The following GFRA1 variants were observed in gnomAD, a reference collection of about 807,000 sequenced individuals.
GFRA1 encodes GDNF family receptor alpha 1.
A neutral mutation model predicts 51.6 loss-of-function variants in GFRA1; 16 were observed. The ratio of observed to expected loss-of-function variants is 0.31; its 90% CI spans 0.21 to 0.47. The LOEUF is 0.47. GFRA1 is among the 20% of genes least tolerant of loss of function. GFRA1 has a pLI of 1.00. For missense variants in GFRA1, 530 were observed against 594.3 expected, an observed-to-expected ratio of 0.89 and a Z score of 1.13; for synonymous variants, 270 against 241.3, an observed-to-expected ratio of 1.12 and a Z score of -1.10.
At chr10:116,215,856 C>T (rs1336686246) in intron 4 of GFRA1, among the ~76,000 whole-genome samples, 2 of 152,170 alleles carry the variant, frequency 1.3e-5, no homozygotes, top group African/African-American at 2.4e-5. Flanking sequence ...CAAAGGAAAG[C>T]CTGTTCTCCT....
rs1343430380 is a variant in GFRA1, at chr10:116,060,872, A to G, written c.*3526T>C. 6.6e-6 allele frequency: 1 copy of G among 152,236 alleles called. No homozygotes were observed. Among genetic ancestry groups the G allele is most frequent in the Admixed American group, 6.5e-5 (1 of 15,290 alleles). 9.4% of individuals were successfully genotyped at this position (152,236 alleles called of 1,614,324 possible). A position where few individuals can be genotyped will look rare whatever the true frequency, so the allele number is the denominator to read the frequency against. On this transcript the variant is annotated 3_prime_UTR_variant, in exon 11 of 11. Coordinates refer to ENST00000355422, the MANE Select transcript of GFRA1 (RefSeq NM_005264.8). ...CAAAAGACAGCTCCTCTGAGGCCACAATTTTGTAAATAATAACAACAGAAA... is the reference window on the plus strand; with the variant it reads ...CAAAAGACAGCTCCTCTGAGGCCACGATTTTGTAAATAATAACAACAGAAA...
intron 5 of GFRA1, among the ~76,000 whole-genome samples, chr10:116,199,005 G>C (rs562324213): frequency 2.0e-5 from 3 of 152,280 alleles, no homozygotes; most frequent in Admixed American, 1.3e-4. Flanking sequence ...GCAGAGATGG[G>C]AGTGATGCAG....
At position 116,064,079 on chromosome 10, in the gene GFRA1, G is replaced by C. The variant is rs553789655; in HGVS notation, c.*319C>G. The C allele has an allele frequency of 5.7e-5, 7 of 121,994 alleles. No individual in the cohort carries two copies. The highest frequency in any genetic ancestry group is 1.1e-4 in the African/African-American group (1 of 9,214). 7.6% of individuals were successfully genotyped at this position (121,994 alleles called of 1,614,324 possible). A position where few individuals can be genotyped will look rare whatever the true frequency, so the allele number is the denominator to read the frequency against. Reference sequence around the variant, plus strand: ...TGATGATCATCATCATGATCATGATGATCATCATCATGATCATCATCATCA... The same window carrying C: ...TGATGATCATCATCATGATCATGATCATCATCATCATGATCATCATCATCA... On this transcript the variant is annotated 3_prime_UTR_variant, in exon 11 of 11. Transcript: ENST00000355422.
Position 116,272,405 on chromosome 10 carries a change from A to C in GFRA1, c.-246-130T>G, listed in dbSNP as rs1844028591. 2 of 362,518 alleles carry C rather than the reference A, an allele frequency of 5.5e-6. No individual in the cohort carries two copies. The highest frequency in any genetic ancestry group is 4.0e-5 in the Admixed American group (1 of 25,088). The allele number at this position is 362,518 out of a possible 1,614,324, so 22.5% of individuals were successfully genotyped here. On this transcript the variant is annotated intron_variant, in intron 1 of 10. Transcript: ENST00000355422. The surrounding 1 kb of genome is among the most constrained non-coding windows in gnomAD (Gnocchi z 4.4). ...CCGGGGTGAGGACCCACCCCCACCC[A>C]GGTCGGGGTGCATGTGCGTGTTTTC...
intron 5 of GFRA1, among the ~76,000 whole-genome samples, chr10:116,126,537 G>A (rs1957885355): frequency 6.6e-6 from 1 of 152,252 alleles, no homozygotes; most frequent in South Asian, 2.1e-4. Context: ...ATAGAGGAAT[G>A]TTTCTGCAGG....
chr10:116,227,776 A>G lies in GFRA1; in HGVS notation c.419-16131T>C, dbSNP rs145168094. Among the ~76,000 whole-genome samples, 206 of 152,302 alleles carry G rather than the reference A, an allele frequency of 1.4e-3. No homozygotes were observed. The Middle Eastern group carries it at 0.024, about 18-fold the overall frequency. ...ACAGAGCTTAATTCCATCTCCTGTC[A>G]TGTCAGATCCATTTTCTCCACATGC... On this transcript the variant is annotated intron_variant, in intron 4 of 10. Coordinates refer to ENST00000355422, the MANE Select transcript of GFRA1 (RefSeq NM_005264.8).
rs541892024 is a variant in GFRA1 at position 116,161,811 on chromosome 10, C to G, written c.434-36254G>C. Reference sequence around the variant, plus strand: ...TCCTTTATAAATTACTCAGTCTTGGCTATGTTTTATTAGCGTGTGAAAACA... The same window carrying G: ...TCCTTTATAAATTACTCAGTCTTGGGTATGTTTTATTAGCGTGTGAAAACA... On this transcript the variant is annotated intron_variant, in intron 5 of 10. Coordinates refer to ENST00000355422, the MANE Select transcript of GFRA1 (RefSeq NM_005264.8). Among the ~76,000 whole-genome samples, 35 of 152,294 alleles carry G rather than the reference C, an allele frequency of 2.3e-4. No individual in the cohort carries two copies. In the South Asian group the frequency reaches 7.0e-3, roughly 31 times the overall value.
intron 4 of GFRA1, chr10:116,255,544 C>T: frequency 8.4e-7 from 1 of 1,189,670 alleles, no homozygotes; most frequent in Non-Finnish European, 1.1e-6. Flanking sequence ...ATGTTCACAT[C>T]CACTCAACAC....
chr10:116,230,683 C>T (rs950088994), intron 4 of GFRA1, among the ~76,000 whole-genome samples: 3 of 151,224 alleles, frequency 2.0e-5, no homozygotes, highest in African/African-American at 7.3e-5. Flanking sequence ...CCAGTGCCCC[C>T]TTCTATTAAA....
chr10:116,238,644 T>C (rs924015969), intron 4 of GFRA1, among the ~76,000 whole-genome samples: 1 of 152,230 alleles, frequency 6.6e-6, no homozygotes, highest in Admixed American at 6.5e-5. Context: ...ACTTAATTGG[T>C]TGTAATCCGC....
intron 4 of GFRA1, among the ~76,000 whole-genome samples, chr10:116,234,070 C>T (rs1195736020): frequency 6.6e-6 from 1 of 152,154 alleles, no homozygotes; most frequent in Non-Finnish European, 1.5e-5. Flanking sequence ...CTGAACTGTA[C>T]TTATGTTTAC....
At chr10:116,127,644 A>G (rs73367279) in intron 5 of GFRA1, among the ~76,000 whole-genome samples, 5,025 of 152,026 alleles carry the variant, frequency 0.033, 270 homozygotes, top group African/African-American at 0.11. Flanking sequence ...TAGCTCCTCT[A>G]TTTCCACACT....
At position 116,062,706 on chromosome 10, in the gene GFRA1, T is replaced by G. The variant is rs1954878342; in HGVS notation, c.*1692A>C. On this transcript the variant is annotated 3_prime_UTR_variant, in exon 11 of 11. Transcript: ENST00000355422. ...TCTGAAGGTGGAATCTCCTCCTCTT[T>G]ACTTAATGTTGGAGAAAAGTGGCCA... 1 of 152,220 alleles carries G rather than the reference T, an allele frequency of 6.6e-6. No individual in the cohort carries two copies. The highest frequency in any genetic ancestry group is 2.4e-5 in the African/African-American group (1 of 41,448). The allele number at this position is 152,220 out of a possible 1,614,324, so 9.4% of individuals were successfully genotyped here.
intron 5 of GFRA1, among the ~76,000 whole-genome samples, chr10:116,167,506 A>G (rs559130826): frequency 6.6e-6 from 1 of 152,240 alleles, no homozygotes; most frequent in South Asian, 2.1e-4. Flanking sequence ...GATTGGGCCC[A>G]ATGCCTGGCA....
intron 5 of GFRA1, among the ~76,000 whole-genome samples, chr10:116,145,113 C>A (rs539127189): frequency 7.9e-6 from 1 of 126,806 alleles, no homozygotes; most frequent in South Asian, 2.8e-4. Flanking sequence ...CATGCCACTG[C>A]ACTCCAGCCT....
intron 6 of GFRA1, among the ~76,000 whole-genome samples, chr10:116,097,041 C>T (rs1027912710): frequency 6.6e-6 from 1 of 152,138 alleles, no homozygotes; most frequent in African/African-American, 2.4e-5. Context: ...GGGCCTATAA[C>T]TGGAGGAATC....
At chr10:116,107,447 G>T (rs1957048458) in intron 6 of GFRA1, among the ~76,000 whole-genome samples, 1 of 152,184 alleles carries the variant, frequency 6.6e-6, no homozygotes, top group Non-Finnish European at 1.5e-5. Flanking sequence ...AGGTCTTCAT[G>T]TGTTCAGGAA....
rs1419962700 is a variant in GFRA1 at position 116,062,862 on chromosome 10, A to G, written c.*1536T>C. On this transcript the variant is annotated 3_prime_UTR_variant, in exon 11 of 11. Coordinates refer to ENST00000355422, the MANE Select transcript of GFRA1 (RefSeq NM_005264.8). Reference sequence around the variant, plus strand: ...AGTGGTTAGCAAAGCCAGATGCCTTATCACCAGGGTCCTGTTCTGCTGATC... The same window carrying G: ...AGTGGTTAGCAAAGCCAGATGCCTTGTCACCAGGGTCCTGTTCTGCTGATC... The G allele has an allele frequency of 6.6e-6, 1 of 152,252 alleles. No homozygotes were observed. Among genetic ancestry groups the G allele is most frequent in the Non-Finnish European group, 1.5e-5 (1 of 68,056 alleles). The allele number at this position is 152,252 out of a possible 1,614,324, so 9.4% of individuals were successfully genotyped here.
intron 3 of GFRA1, among the ~76,000 whole-genome samples, chr10:116,270,378 A>G (rs1282331537): frequency 1.3e-5 from 2 of 152,192 alleles, no homozygotes; most frequent in African/African-American, 2.4e-5. Flanking sequence ...ACCTTTTACA[A>G]TACTTCATCT....
Sources: gnomAD v4.1 joint callset for allele counts (sites outside exome capture counted in the v4.1 genomes callset) on GRCh38, gnomAD v4.1.1 for gene constraint, Gnocchi (gnomAD v3.1) non-coding constraint, MANE v1.5 for transcripts, NCBI Gene and HGNC (gene_info 2026-07-23, HGNC 2026-07-21) for gene names.